Variants in TOR1AIP1 observed in about 807,000 individuals in gnomAD.
TOR1AIP1 encodes torsin 1A interacting protein 1, also known as torsin-1A-interacting protein 1.
In TOR1AIP1, 54 loss-of-function variants were observed where a neutral mutation model predicts 63.3. The observed-to-expected ratio is 0.85, with a 90% CI of 0.69 to 1.07. TOR1AIP1 has a LOEUF of 1.07. Among genes scored for constraint, TOR1AIP1 ranks in the 50% least tolerant of loss-of-function variants. The probability of loss-of-function intolerance (pLI) is 0.00; values close to 1 mark genes in which losing one functional copy is unlikely to be tolerated. For synonymous variants in TOR1AIP1, 294 were observed against 273.5 expected (o/e 1.07, Z -0.74); for missense variants, 736 against 715.0 (o/e 1.03, Z -0.33).
Position 179,900,186 on chromosome 1 carries a change from T to C in TOR1AIP1, c.652+19T>C, listed in dbSNP as rs1317509887. 6.0e-6 allele frequency: 9 copies of C among 1,511,102 alleles called. No homozygotes were observed. Among genetic ancestry groups the C allele is most frequent in the Non-Finnish European group, 8.2e-6 (9 of 1,092,290 alleles). The allele number at this position is 1,511,102 out of a possible 1,614,324, so 93.6% of individuals were successfully genotyped here. A position where few individuals can be genotyped will look rare whatever the true frequency, so the allele number is the denominator to read the frequency against. On this transcript the variant is annotated intron_variant, in intron 4 of 9. Coordinates refer to ENST00000606911, the MANE Select transcript of TOR1AIP1 (RefSeq NM_015602.4). ...GAAGAAGGTATTTTACTTGTAAATA[T>C]CATATAATATATACTTTAAGTCTTT...
rs1269467517 is a variant in TOR1AIP1, at chr1:179,914,024, G to A, written c.934G>A (p.Gly312Arg). 2 of 1,613,866 alleles carry A rather than the reference G, an allele frequency of 1.2e-6. No individual in the cohort carries two copies. The highest frequency in any genetic ancestry group is 1.7e-4 in the Middle Eastern group (1 of 6,058). ...QNDSILKSELGNQSPSTSSRQ... is the reference protein window; with the variant it reads ...QNDSILKSELRNQSPSTSSRQ... ...TGACAGCATTCTGAAATCAGAGCTT[G>A]GAAACCAGTCACCATCAACCTCCAG... The change falls in exon 9 of 10, where the codon GGA becomes AGA. Residue 312 changes from glycine to arginine, a missense_variant. This residue lies in a region of TOR1AIP1 where 272 missense variants were observed against 344.1 expected (regional missense o/e 0.79). Transcript: ENST00000606911.
chr1:179,883,256 C>T, intron 1 of TOR1AIP1, among the ~76,000 whole-genome samples: 1 of 152,200 alleles, frequency 6.6e-6, no homozygotes, highest in East Asian at 1.9e-4. Context: ...TTAGGGGAGT[C>T]AGAGCTGCCT....
rs545184080 is a variant in TOR1AIP1 at position 179,917,507 on chromosome 1, A to G, written c.1020A>G (p.Leu340=). Residue 340 remains leucine (L), a synonymous_variant, in exon 10 of 10, where the codon CTA becomes CTG. Transcript: ENST00000606911. ...ASFVKRNRWW[L]LPLIAALASG... is the part of the protein sequence containing the mutation. ...TTGTCAAGAGGAACCGGTGGTGGCT[A>G]CTTCCTCTGATAGCTGCTCTTGCCT... 7.4e-6 allele frequency: 12 copies of G among 1,613,860 alleles called. No homozygotes were observed. In the African/African-American group the frequency reaches 1.1e-4, roughly 14 times the overall value.
intron 1 of TOR1AIP1, among the ~76,000 whole-genome samples, chr1:179,884,469 CA>C (rs1647847039): frequency 6.6e-6 from 1 of 152,066 alleles, no homozygotes; most frequent in South Asian, 2.1e-4. Context: ...TGTAAAACAA[CA>C]ATGGCAAATA....
In TOR1AIP1 at chr1:179,896,545, C is replaced by CT. The variant is rs879540960; in HGVS notation, c.611-3569dup. On this transcript the variant is annotated intron_variant, in intron 3 of 9. Transcript: ENST00000606911. ...GGAAGAGAAAAACAAGTTTACAAAT[C>CT]TTTTTTTTTTTTAAGTGCTGAAATA... Among the ~76,000 whole-genome samples, 142 of 144,044 alleles carry CT rather than the reference C, an allele frequency of 9.9e-4. 1 individual carries two copies. The highest frequency in any genetic ancestry group is 1.1e-3 in the Non-Finnish European group (69 of 65,332). 94.5% of individuals were successfully genotyped at this position (144,044 alleles called of 152,430 possible).
intron 3 of TOR1AIP1, 104 bp from the exon 4 acceptor site, chr1:179,900,022 A>G (rs1218939989): frequency 1.2e-6 from 1 of 802,620 alleles, no homozygotes; most frequent in Non-Finnish European, 2.0e-6. Context: ...ATGCTCTTTT[A>G]TTTATTCCTA....
chr1:179,906,743 C>CCT (rs1491104735), intron 6 of TOR1AIP1, among the ~76,000 whole-genome samples: 2,994 of 39,756 alleles, frequency 0.075, 67 homozygotes, highest in Middle Eastern at 0.16. Flanking sequence ...CCCCCCCCCC[C>CCT]TTTTTTTTTT....
intron 4 of TOR1AIP1, 154 bp downstream of exon 4, chr1:179,900,321 T>C: frequency 2.0e-6 from 1 of 503,280 alleles, no homozygotes. Flanking sequence ...GGCAGGAAGA[T>C]CACTTAAGTC....
intron 5 of TOR1AIP1, among the ~76,000 whole-genome samples, chr1:179,902,698 T>C (rs1648506753): frequency 6.6e-6 from 1 of 152,230 alleles, no homozygotes. Flanking sequence ...CTTCACTTTT[T>C]AGCTGTTTGC....
chr1:179,889,482 C>G lies in TOR1AIP1; in HGVS notation c.610+113C>G, dbSNP rs762531559. On this transcript the variant is annotated intron_variant, in intron 3 of 9. Coordinates refer to ENST00000606911, the MANE Select transcript of TOR1AIP1 (RefSeq NM_015602.4). ...GAACTTAAAAGTTACTGTAAATATA[C>G]ATTAAAAAATCTCCCTGTCCCCTCT... 29 of 848,544 alleles carry G rather than the reference C, an allele frequency of 3.4e-5. No individual in the cohort carries two copies. The Middle Eastern group carries it at 2.6e-3, about 76-fold the overall frequency. The allele number at this position is 848,544 out of a possible 1,614,324, so 52.6% of individuals were successfully genotyped here.
At chr1:179,889,093 C>T (rs1309082319) in intron 2 of TOR1AIP1, among the ~76,000 whole-genome samples, 1 of 152,172 alleles carries the variant, frequency 6.6e-6, no homozygotes, top group Admixed American at 6.5e-5. Flanking sequence ...GCAAATTTCT[C>T]CATCAAGACT....
At chr1:179,905,909 C>T (rs1648620013) in intron 6 of TOR1AIP1, among the ~76,000 whole-genome samples, 2 of 151,896 alleles carry the variant, frequency 1.3e-5, no homozygotes, top group South Asian at 4.2e-4. Context: ...ACTGGGATTG[C>T]ACCACTGCAC....
intron 9 of TOR1AIP1, among the ~76,000 whole-genome samples, chr1:179,915,967 A>G (rs1293493119): frequency 6.6e-6 from 1 of 152,232 alleles, no homozygotes; most frequent in African/African-American, 2.4e-5. Context: ...TTTGCACAAA[A>G]TTCTTTTCCT....
At chr1:179,908,827 T>A (rs115738462) in intron 8 of TOR1AIP1, among the ~76,000 whole-genome samples, 154 bp downstream of exon 8, 1,789 of 152,314 alleles carry the variant, frequency 0.012, 14 homozygotes, top group Non-Finnish European at 0.019. Context: ...TTTCTTGGAC[T>A]GGCAGCACAT....
intron 9 of TOR1AIP1, among the ~76,000 whole-genome samples, chr1:179,915,048 G>C (rs1270561498): frequency 3.3e-5 from 5 of 152,092 alleles, no homozygotes; most frequent in Admixed American, 6.6e-5. Flanking sequence ...TTAATGCCTA[G>C]CTTTAAAAAA....
chr1:179,883,111 C>T lies in TOR1AIP1; in HGVS notation c.475+134C>T, dbSNP rs973753385. The T allele has an allele frequency of 4.8e-6, 4 of 841,428 alleles. No individual in the cohort carries two copies. In the African/African-American group the frequency reaches 6.8e-5, roughly 14 times the overall value. 52.1% of individuals were successfully genotyped at this position (841,428 alleles called of 1,614,324 possible). ...GCTAAAGGGTATTCCTCAGCCCCCTCTGGACTTGTGCCGCCGTGCAAGGGC... is the reference window on the plus strand; with the variant it reads ...GCTAAAGGGTATTCCTCAGCCCCCTTTGGACTTGTGCCGCCGTGCAAGGGC... On this transcript the variant is annotated intron_variant, in intron 1 of 9. Transcript: ENST00000606911.
chr1:179,892,437 C>T (rs1277085440), intron 3 of TOR1AIP1, among the ~76,000 whole-genome samples: 2 of 151,934 alleles, frequency 1.3e-5, no homozygotes, highest in African/African-American at 4.8e-5. Flanking sequence ...CACGCCATTG[C>T]ACTCCAGCCT....
At chr1:179,908,741 T>C in intron 8 of TOR1AIP1, 68 bp downstream of exon 8, 1 of 1,324,394 alleles carries the variant, frequency 7.6e-7, no homozygotes, top group Middle Eastern at 1.8e-4. Flanking sequence ...GACAAAAATA[T>C]TTAGTTCTTC....
intron 2 of TOR1AIP1, among the ~76,000 whole-genome samples, chr1:179,888,441 G>T (rs1367653103): frequency 6.6e-6 from 1 of 151,990 alleles, no homozygotes; most frequent in Admixed American, 6.6e-5. Context: ...GCCCAGACAG[G>T]GTCTCAGTAT....
Sources: gnomAD v4.1 joint callset for allele counts (sites outside exome capture counted in the v4.1 genomes callset) on GRCh38, gnomAD v4.1.1 for gene constraint, gnomAD v4.1.1 regional missense constraint, MANE v1.5 for transcripts, NCBI Gene and HGNC (gene_info 2026-07-23, HGNC 2026-07-21) for gene names.